RAB14: variants seen among roughly 807,000 people sequenced by gnomAD.
RAB14 encodes ras-related protein Rab-14.
RAB14 carries 3 observed loss-of-function variants against 31.1 expected under a neutral mutation model. The observed-to-expected ratio is 0.10, with a 90% confidence interval of 0.04 to 0.25. The LOEUF (loss-of-function observed/expected upper bound fraction) is 0.25. Among genes scored for constraint, RAB14 ranks in the 10% least tolerant of loss-of-function variants. The pLI is 1.00. For synonymous variants in RAB14, 85 were observed against 84.9 expected (o/e 1.00, Z 0.00); for missense variants, 111 against 260.1 (o/e 0.43, Z 3.94).
intron 6 of RAB14, 38 bp from the exon 7 acceptor site, chr9:121,182,998 A>C (rs769812721): frequency 6.3e-7 from 1 of 1,576,944 alleles, no homozygotes; most frequent in Non-Finnish European, 8.7e-7. Flanking sequence ...GGACACTTCA[A>C]ACTAACTCAC....
chr9:121,189,855 G>C (rs2053677360), intron 4 of RAB14, among the ~76,000 whole-genome samples: 1 of 152,030 alleles, frequency 6.6e-6, no homozygotes, highest in Non-Finnish European at 1.5e-5. Context: ...AACATGAAAG[G>C]TGATCCAGTT....
intron 4 of RAB14, among the ~76,000 whole-genome samples, chr9:121,188,164 A>C (rs978469517): frequency 1.1e-4 from 17 of 151,960 alleles, no homozygotes; most frequent in African/African-American, 4.1e-4. Flanking sequence ...CTTTCCCCCC[A>C]ATGTTTTAGA....
At position 121,195,602 on chromosome 9, in the gene RAB14, T is replaced by C. The variant is rs553153009; in HGVS notation, c.-7-2183A>G. 4.6e-5 allele frequency among the ~76,000 whole-genome samples: 7 copies of C among 152,300 alleles called. No homozygotes were observed. The South Asian group carries it at 1.0e-3, about 23-fold the overall frequency. On this transcript the variant is annotated intron_variant, in intron 1 of 7. Coordinates refer to ENST00000373840, the MANE Select transcript of RAB14 (RefSeq NM_016322.4). Reference sequence around the variant, plus strand: ...TGTATCTTAAAATTACAAACATTCATATAGTAGAAACTATTTCCAAATAAA... The same window carrying C: ...TGTATCTTAAAATTACAAACATTCACATAGTAGAAACTATTTCCAAATAAA...
intron 5 of RAB14, 128 bp from the exon 6 acceptor site, chr9:121,183,526 C>T (rs2053644481): frequency 1.5e-6 from 1 of 664,038 alleles, no homozygotes; most frequent in African/African-American, 1.8e-5. Context: ...CAAGTACTAG[C>T]AATTATCCAC....
In RAB14 at chr9:121,181,225, A is replaced by G; in HGVS notation, c.*171T>C. ...TACTTGCCTTTGATAACCTGATTAC[A>G]TCTAGTTGTTTAGCAGTTTAGTATT... On this transcript the variant is annotated 3_prime_UTR_variant, in exon 8 of 8. Transcript: ENST00000373840. The G allele has an allele frequency of 3.3e-6, 2 of 601,396 alleles. No individual in the cohort carries two copies. Among genetic ancestry groups the G allele is most frequent in the Non-Finnish European group, 5.2e-6 (2 of 384,564 alleles). The allele number at this position is 601,396 out of a possible 1,614,324, so 37.3% of individuals were successfully genotyped here. A position where few individuals can be genotyped will look rare whatever the true frequency, so the allele number is the denominator to read the frequency against.
intron 3 of RAB14, among the ~76,000 whole-genome samples, chr9:121,191,471 A>C (rs2053686337): frequency 6.6e-6 from 1 of 152,090 alleles, no homozygotes; most frequent in African/African-American, 2.4e-5. Context: ...CCAAAGCACT[A>C]CTGGGATTAC....
intron 1 of RAB14, among the ~76,000 whole-genome samples, 190 bp downstream of exon 1, chr9:121,201,449 C>T (rs1053581353): frequency 6.6e-6 from 1 of 152,038 alleles, no homozygotes; most frequent in Non-Finnish European, 1.5e-5. Flanking sequence ...CCGCCCCCGC[C>T]CAGGAGTCCT....
chr9:121,193,940 CAGTT>C (rs1014281246), intron 1 of RAB14, among the ~76,000 whole-genome samples: 4 of 152,108 alleles, frequency 2.6e-5, no homozygotes, highest in Non-Finnish European at 4.4e-5. Flanking sequence ...TTTAAATCAA[CAGTT>C]AGCAGCGCAA....
intron 5 of RAB14, 135 bp from the exon 6 acceptor site, chr9:121,183,533 C>A: frequency 1.5e-6 from 1 of 649,442 alleles, no homozygotes; most frequent in Non-Finnish European, 2.7e-6. Flanking sequence ...TAGCAATTAT[C>A]CACTAGACAG....
At chr9:121,183,487 G>GA (rs1275842723) in intron 5 of RAB14, 89 bp from the exon 6 acceptor site, 4 of 1,030,514 alleles carry the variant, frequency 3.9e-6, no homozygotes, top group Admixed American at 2.1e-5. Context: ...AATCTTGATA[G>GA]AAAAAATGAC....
At position 121,180,144 on chromosome 9, in the gene RAB14, A is replaced by G. The variant is rs548550480; in HGVS notation, c.*1252T>C. ...AACAATTTATGCCAACATGACATAA[A>G]ACAGCCCCTCACACTGTGAACACAG... On this transcript the variant is annotated 3_prime_UTR_variant, in exon 8 of 8. Transcript: ENST00000373840. 6.2e-4 allele frequency: 95 copies of G among 152,664 alleles called. No individual in the cohort carries two copies. The highest frequency in any genetic ancestry group is 9.8e-4 in the Non-Finnish European group (67 of 68,052). The allele number at this position is 152,664 out of a possible 1,614,324, so 9.5% of individuals were successfully genotyped here.
At chr9:121,185,770 A>G (rs1470005935) in intron 5 of RAB14, among the ~76,000 whole-genome samples, 1 of 152,120 alleles carries the variant, frequency 6.6e-6, no homozygotes, top group African/African-American at 2.4e-5. Context: ...GTACTCCACT[A>G]TAGAGATGTT....
chr9:121,201,847 T>C lies in RAB14; in HGVS notation c.-216A>G, dbSNP rs1159321363. The C allele has an allele frequency of 6.6e-6, 1 of 152,408 alleles. No homozygotes were observed. The highest frequency in any genetic ancestry group is 6.5e-5 in the Admixed American group (1 of 15,280). 9.4% of individuals were successfully genotyped at this position (152,408 alleles called of 1,614,324 possible). A position where few individuals can be genotyped will look rare whatever the true frequency, so the allele number is the denominator to read the frequency against. ...TGACTGCTCCTGTGCTCCCTCAGTA[T>C]CTTCCTCGGGCTGGTCCAAGATGGC... is the stretch of plus-strand genomic sequence containing the variant. On this transcript the variant is annotated 5_prime_UTR_variant, in exon 1 of 8. Coordinates refer to ENST00000373840, the MANE Select transcript of RAB14 (RefSeq NM_016322.4).
At chr9:121,194,834 GA>G (rs2053706541) in intron 1 of RAB14, among the ~76,000 whole-genome samples, 2 of 152,138 alleles carry the variant, frequency 1.3e-5, no homozygotes, top group Admixed American at 1.3e-4. Flanking sequence ...AAGGGAAGAG[GA>G]AGTTGTTAAT....
At chr9:121,191,532 C>A (rs139563672) in intron 3 of RAB14, among the ~76,000 whole-genome samples, 1 of 152,088 alleles carries the variant, frequency 6.6e-6, no homozygotes. Context: ...TATACAATGA[C>A]AAGTTATATA....
chr9:121,179,491 C>T lies in RAB14; in HGVS notation c.*1905G>A, dbSNP rs2053620989. ...TAGTTTGTGATTGCTACCTTATATCCCAATGGGTGGTTTGTTTGTTTTGTT... is the reference window on the plus strand; with the variant it reads ...TAGTTTGTGATTGCTACCTTATATCTCAATGGGTGGTTTGTTTGTTTTGTT... On this transcript the variant is annotated 3_prime_UTR_variant, in exon 8 of 8. Coordinates refer to ENST00000373840, the MANE Select transcript of RAB14 (RefSeq NM_016322.4). The T allele has an allele frequency of 6.6e-6, 1 of 152,532 alleles. No homozygotes were observed. Among genetic ancestry groups the T allele is most frequent in the Admixed American group, 6.6e-5 (1 of 15,262 alleles). The allele number at this position is 152,532 out of a possible 1,614,324, so 9.4% of individuals were successfully genotyped here.
At chr9:121,181,868 C>A (rs900767234) in intron 7 of RAB14, among the ~76,000 whole-genome samples, 1 of 150,614 alleles carries the variant, frequency 6.6e-6, no homozygotes, top group Admixed American at 6.7e-5. Context: ...CTGCTTCAGC[C>A]TCCCGAGTAG....
rs2053683271 is a variant in RAB14, at chr9:121,190,947, A to G, written c.107-216T>C. On this transcript the variant is annotated intron_variant, in intron 3 of 7. Transcript: ENST00000373840. ...AATCGGGGTCAGCAAACTTCTAGAA[A>G]GGACCAAGCAGAAAATATTTTAAGT... 2.0e-5 allele frequency among the ~76,000 whole-genome samples: 3 copies of G among 152,250 alleles called. No homozygotes were observed. The South Asian group carries it at 6.2e-4, about 32-fold the overall frequency.
At chr9:121,185,665 CT>C (rs1395794141) in intron 5 of RAB14, among the ~76,000 whole-genome samples, 1 of 152,144 alleles carries the variant, frequency 6.6e-6, no homozygotes, top group African/African-American at 2.4e-5. Flanking sequence ...AGTATGTAAA[CT>C]TTTGAGATTG....
Sources: gnomAD v4.1 joint callset for allele counts (sites outside exome capture counted in the v4.1 genomes callset) on GRCh38, gnomAD v4.1.1 for gene constraint, MANE v1.5 for transcripts, NCBI Gene and HGNC (gene_info 2026-07-23, HGNC 2026-07-21) for gene names.